The following AMACR variants were observed in gnomAD, a reference collection of about 807,000 sequenced individuals.
The protein encoded by AMACR is alpha-methylacyl-CoA racemase.
AMACR carries 18 observed loss-of-function variants against 22.2 expected under a neutral mutation model. That is an observed-to-expected ratio of 0.81 (90% CI 0.56 to 1.20). The LOEUF (loss-of-function observed/expected upper bound fraction) is 1.20, where lower values mean the gene tolerates loss of function less well. Ranked by LOEUF, AMACR falls within the 50% of genes most tolerant of loss-of-function variation. The probability of loss-of-function intolerance (pLI) is 0.00; values close to 1 mark genes in which losing one functional copy is unlikely to be tolerated. For missense variants in AMACR, 499 were observed against 490.6 expected (o/e 1.02, Z -0.16); for synonymous variants, 213 against 191.3 (o/e 1.11, Z -0.94).
At chr5:34,006,180 T>C (rs1377944763) in intron 1 of AMACR, among the ~76,000 whole-genome samples, 1 of 152,214 alleles carries the variant, frequency 6.6e-6, no homozygotes, top group Non-Finnish European at 1.5e-5. Flanking sequence ...GTCTCATCCC[T>C]TTAGTAAATC....
intron 4 of AMACR, among the ~76,000 whole-genome samples, chr5:33,989,718 T>C (rs1323473892): frequency 6.6e-6 from 1 of 152,180 alleles, no homozygotes; most frequent in African/African-American, 2.4e-5. Context: ...TGAGATTTTA[T>C]TATTCACATT....
intron 1 of AMACR, 107 bp downstream of exon 1, chr5:34,007,666 C>G: frequency 7.1e-7 from 1 of 1,414,446 alleles, no homozygotes; most frequent in Non-Finnish European, 9.2e-7. Context: ...GACAAGGGTT[C>G]TTGCGGCAAC....
chr5:33,996,949 C>A, intron 4 of AMACR: 1 of 539,208 alleles, frequency 1.9e-6, no homozygotes, highest in South Asian at 2.4e-5. Context: ...CTGAGGGATC[C>A]TGAGGAGTCC....
chr5:33,993,719 T>C (rs987676149), intron 4 of AMACR, among the ~76,000 whole-genome samples: 3 of 151,898 alleles, frequency 2.0e-5, no homozygotes, highest in African/African-American at 7.3e-5. Context: ...GTCAACATGG[T>C]GAAACTCCGT....
intron 4 of AMACR, chr5:33,997,614 G>A (rs1753683794): frequency 2.8e-6 from 2 of 719,568 alleles, no homozygotes; most frequent in African/African-American, 1.8e-5. Context: ...CTCCACCAGA[G>A]CATCATGAGC....
Position 33,989,359 on chromosome 5 carries a change from T to G in AMACR, c.883A>C (p.Thr295Pro). Residue 295 changes from threonine (T) to proline (P), a missense_variant, in exon 5 of 5, where the codon ACT becomes CCT. Thr to Pro is a conservative substitution (Grantham distance 38, BLOSUM62 -1). Transcript: ENST00000335606. ...QIFDGTDACV[T>P]PVLTFEEVVH... is the part of the protein sequence containing the mutation. ...ACCTCCTCAAAAGTCAGAACCGGAG[T>G]CACACAGGCATCTGTGCCGTCAAAG... The G allele has an allele frequency of 6.2e-7, 1 of 1,614,074 alleles. No homozygotes were observed. The highest frequency in any genetic ancestry group is 8.5e-7 in the Non-Finnish European group (1 of 1,180,022).
intron 4 of AMACR, among the ~76,000 whole-genome samples, chr5:33,996,718 G>A (rs1753646511): frequency 6.6e-6 from 1 of 151,944 alleles, no homozygotes; most frequent in Non-Finnish European, 1.5e-5. Context: ...AGAGTTCAAG[G>A]CTATGATCAC....
intron 4 of AMACR, among the ~76,000 whole-genome samples, chr5:33,996,796 A>C (rs866484388): frequency 1.8e-5 from 2 of 109,408 alleles, no homozygotes; most frequent in African/African-American, 8.4e-5. Context: ...ACAAGCAAAC[A>C]AAAAAAAAAG....
intron 4 of AMACR, among the ~76,000 whole-genome samples, chr5:33,996,071 T>C (rs1003658511): frequency 3.9e-5 from 6 of 152,158 alleles, no homozygotes; most frequent in South Asian, 2.1e-4. Flanking sequence ...TGTCATTATT[T>C]AGCCTGTCTG....
intron 4 of AMACR, among the ~76,000 whole-genome samples, chr5:33,991,535 G>C (rs1435618684): frequency 6.6e-6 from 1 of 151,902 alleles, no homozygotes; most frequent in Non-Finnish European, 1.5e-5. Flanking sequence ...TTTAAAACTT[G>C]GGAAAGCATG....
At chr5:33,999,935 T>C (rs563142414) in intron 3 of AMACR, among the ~76,000 whole-genome samples, 4 of 152,290 alleles carry the variant, frequency 2.6e-5, no homozygotes, top group African/African-American at 9.6e-5. Flanking sequence ...CACACACACA[T>C]ATATACACAT....
At chr5:33,998,483 A>T (rs1335261179) in intron 4 of AMACR, among the ~76,000 whole-genome samples, 158 bp downstream of exon 4, 1 of 152,130 alleles carries the variant, frequency 6.6e-6, no homozygotes, top group African/African-American at 2.4e-5. Context: ...TTTAAAAGCC[A>T]TGGAAAATGC....
intron 4 of AMACR, among the ~76,000 whole-genome samples, chr5:33,992,719 AAATAG>A (rs1277343730): frequency 6.6e-6 from 1 of 152,232 alleles, no homozygotes; most frequent in South Asian, 2.1e-4. Flanking sequence ...CAAAAAAATA[AAATAG>A]AATAGAATAA....
chr5:34,007,639 T>A (rs1754023841), intron 1 of AMACR, 134 bp downstream of exon 1: 1 of 1,335,420 alleles, frequency 7.5e-7, no homozygotes, highest in Admixed American at 2.9e-5. Flanking sequence ...GAGGCAAAAA[T>A]CTGGAAGGCT....
chr5:34,007,419 A>C (rs905930327), intron 1 of AMACR, among the ~76,000 whole-genome samples: 5 of 152,184 alleles, frequency 3.3e-5, no homozygotes, highest in African/African-American at 1.2e-4. Flanking sequence ...TTTTCCAGGA[A>C]GGGAATCCTA....
intron 4 of AMACR, chr5:33,997,369 T>C (rs985516206): frequency 1.3e-6 from 1 of 776,272 alleles, no homozygotes; most frequent in African/African-American, 1.7e-5. Flanking sequence ...CAACTCAAAA[T>C]GGCCATTGCC....
chr5:34,006,260 CAT>C (rs1219874385), intron 1 of AMACR, among the ~76,000 whole-genome samples: 4 of 152,200 alleles, frequency 2.6e-5, no homozygotes, highest in Non-Finnish European at 5.9e-5. Flanking sequence ...CTTGTACATG[CAT>C]ACACTTATCT....
At chr5:33,999,292 C>A (rs910980780) in intron 3 of AMACR, among the ~76,000 whole-genome samples, 3 of 152,210 alleles carry the variant, frequency 2.0e-5, no homozygotes, top group African/African-American at 7.2e-5. Flanking sequence ...AGGTAAATCA[C>A]ATAAGAGTAA....
At chr5:34,006,145 C>T (rs1753970444) in intron 1 of AMACR, among the ~76,000 whole-genome samples, 1 of 152,198 alleles carries the variant, frequency 6.6e-6, no homozygotes. Context: ...TTATCCAAGC[C>T]TATTTATTCA....
Sources: allele counts gnomAD v4.1 joint callset (sites outside exome capture counted in the v4.1 genomes callset), GRCh38; gene constraint gnomAD v4.1.1; transcripts MANE v1.5; gene names NCBI Gene and HGNC (gene_info 2026-07-23, HGNC 2026-07-21).